Variants in CYP2S1 observed in about 807,000 individuals in gnomAD.
CYP2S1 encodes cytochrome P450 2S1.
A neutral mutation model predicts 43.5 loss-of-function variants in CYP2S1; 32 were observed. That is an observed-to-expected ratio of 0.74 (90% CI 0.56 to 0.99). The LOEUF is 0.99. CYP2S1 is among the 50% of genes least tolerant of loss of function. The pLI is 0.00. For missense variants in CYP2S1, 575 were observed against 673.9 expected (o/e 0.85, Z 1.62); for synonymous variants, 283 against 302.9 (o/e 0.93, Z 0.68).
chr19:41,204,658 C>T (rs1360166237), intron 7 of CYP2S1, among the ~76,000 whole-genome samples: 2 of 139,774 alleles, frequency 1.4e-5, no homozygotes, highest in African/African-American at 2.7e-5. Flanking sequence ...AGTGCACTGG[C>T]GTGATCTCGG....
At chr19:41,195,692 C>G (rs1027737941) in intron 2 of CYP2S1, among the ~76,000 whole-genome samples, 4 of 152,004 alleles carry the variant, frequency 2.6e-5, no homozygotes, top group African/African-American at 9.7e-5. Context: ...GAGGGTGTTC[C>G]AGGCAGAAAG....
chr19:41,202,050 G>C (rs113105608), intron 6 of CYP2S1, among the ~76,000 whole-genome samples: 25 of 152,140 alleles, frequency 1.6e-4, no homozygotes, highest in Admixed American at 1.5e-3. Context: ...GCAGTAGTGC[G>C]ATCTCGGCCC....
Position 41,206,557 on chromosome 19 carries a change from G to A in CYP2S1, c.*69G>A, listed in dbSNP as rs751440912. ...CAGCCTCAACAGTGGGCATGGACAG[G>A]GTTAATGTCTCCAGAGTGTACACTG... On this transcript the variant is annotated 3_prime_UTR_variant, in exon 9 of 9. Transcript: ENST00000310054. 26 of 1,573,962 alleles carry A rather than the reference G, an allele frequency of 1.7e-5. No individual in the cohort carries two copies. Among genetic ancestry groups the A allele is most frequent in the Non-Finnish European group, 2.3e-5 (26 of 1,144,956 alleles).
chr19:41,203,570 T>C lies in CYP2S1; in HGVS notation c.1097T>C (p.Leu366Pro). 2 of 1,569,908 alleles carry C rather than the reference T, an allele frequency of 1.3e-6. No homozygotes were observed. Among genetic ancestry groups the C allele is most frequent in the Middle Eastern group, 1.8e-4 (1 of 5,686 alleles). Residue 366 changes from leucine (L) to proline (P), a missense_variant, in exon 7 of 9, where the codon CTG becomes CCG. By Grantham distance (98) the Leu-to-Pro change is moderately conservative. Transcript: ENST00000310054. ...VLHEAQRLLA[L>P]VPMGIPRTLM... is the part of the protein sequence containing the mutation. ...CATGAGGCGCAGCGGCTGCTGGCGC[T>C]GGTGCCCATGGGAATACCCCGCACC...
At chr19:41,201,178 A>G in intron 5 of CYP2S1, 53 bp from the exon 6 acceptor site, 1 of 1,593,696 alleles carries the variant, frequency 6.3e-7, no homozygotes, top group Non-Finnish European at 8.6e-7. Flanking sequence ...TGTTCTGGAC[A>G]TTTACTTCCC....
At chr19:41,205,662 C>T (rs190503722) in intron 7 of CYP2S1, among the ~76,000 whole-genome samples, 186 of 152,064 alleles carry the variant, frequency 1.2e-3, no homozygotes, top group African/African-American at 4.4e-3. Context: ...GCTGGGACAA[C>T]GGGCTCATAC....
chr19:41,197,799 G>T lies in CYP2S1; in HGVS notation c.364G>T (p.Glu122Ter). Reference sequence around the variant, plus strand: ...CGCAGGGGTTTTCTTCTCCAACGGGGAGCGGTGGAGGCAGCTGAGGAAGTT... The same window carrying T: ...CGCAGGGGTTTTCTTCTCCAACGGGTAGCGGTGGAGGCAGCTGAGGAAGTT... ...DGHGVFFSNG[E>*]RWRQLRKFTM... The change falls in exon 3 of 9, where the codon GAG becomes TAG. Residue 122 changes from glutamate to a stop codon, truncating the protein, a stop_gained. Coordinates refer to ENST00000310054, the MANE Select transcript of CYP2S1 (RefSeq NM_030622.8). LOFTEE classifies it high-confidence loss of function. 6.2e-7 allele frequency: 1 copy of T among 1,614,104 alleles called. No homozygotes were observed.
intron 5 of CYP2S1, among the ~76,000 whole-genome samples, chr19:41,199,759 G>A (rs1273908430): frequency 6.6e-6 from 1 of 151,934 alleles, no homozygotes; most frequent in Non-Finnish European, 1.5e-5. Flanking sequence ...GAGGTCGGGA[G>A]TTCGAGACCA....
At chr19:41,202,046 G>A (rs548503284) in intron 6 of CYP2S1, among the ~76,000 whole-genome samples, 4 of 152,252 alleles carry the variant, frequency 2.6e-5, no homozygotes, top group Admixed American at 2.6e-4. Context: ...GAGTGCAGTA[G>A]TGCGATCTCG....
chr19:41,195,262 A>G lies in CYP2S1; in HGVS notation c.343+553A>G, dbSNP rs553906505. Among the ~76,000 whole-genome samples, 40 of 152,364 alleles carry G rather than the reference A, an allele frequency of 2.6e-4. 1 individual carries two copies. Among genetic ancestry groups the G allele is most frequent in the African/African-American group, 8.9e-4 (37 of 41,594 alleles). On this transcript the variant is annotated intron_variant, in intron 2 of 8. Transcript: ENST00000310054. ...GATCCAGGTAAAGCCCTGAGGGTTC[A>G]GAAAGATGCCGGAGCGCTTTCAAGG...
intron 2 of CYP2S1, among the ~76,000 whole-genome samples, chr19:41,196,586 C>T (rs2122153935): frequency 6.6e-6 from 1 of 152,012 alleles, no homozygotes; most frequent in African/African-American, 2.4e-5. Context: ...AGGCCTGGGG[C>T]TCTGGCCGAG....
chr19:41,206,775 G>A lies in CYP2S1; in HGVS notation c.*287G>A, dbSNP rs775453658. ...TCTGCAATCACAAGCACATAGCCAG[G>A]TAACCCACCAACTCCCCTGGATCTG... On this transcript the variant is annotated 3_prime_UTR_variant, in exon 9 of 9. Transcript: ENST00000310054. 11 of 627,582 alleles carry A rather than the reference G, an allele frequency of 1.8e-5. No homozygotes were observed. The African/African-American group carries it at 1.8e-4, about 10-fold the overall frequency. The allele number at this position is 627,582 out of a possible 1,614,324, so 38.9% of individuals were successfully genotyped here. A position where few individuals can be genotyped will look rare whatever the true frequency, so the allele number is the denominator to read the frequency against.
chr19:41,200,226 A>G (rs569468769), intron 5 of CYP2S1, among the ~76,000 whole-genome samples: 1 of 152,246 alleles, frequency 6.6e-6, no homozygotes, highest in East Asian at 1.9e-4. Flanking sequence ...AACGTTTACC[A>G]TCTTAACCAT....
At chr19:41,201,476 C>G in intron 6 of CYP2S1, 104 bp downstream of exon 6, 1 of 1,467,170 alleles carries the variant, frequency 6.8e-7, no homozygotes, top group Non-Finnish European at 9.1e-7. Context: ...GAGGCTGAGG[C>G]GGGCTGATCA....
intron 2 of CYP2S1, 30 bp from the exon 3 acceptor site, chr19:41,197,749 G>A (rs369092082): frequency 6.2e-7 from 1 of 1,610,912 alleles, no homozygotes; most frequent in Non-Finnish European, 8.5e-7. Context: ...AGAGGGGCCG[G>A]TCCCTTTTTG....
rs1323411946 is a variant in CYP2S1 at position 41,206,309 on chromosome 19, G to C, written c.1336G>C (p.Ala446Pro). ...GKRVCLGEGL[A>P]KAELFLFFTT... ...GCGTGTCTGCCTTGGAGAGGGCCTG[G>C]CAAAAGCGGAGCTCTTCCTCTTCTT... Residue 446 changes from alanine (A) to proline (P), a missense_variant, in exon 9 of 9, where the codon GCA (alanine) becomes CCA (proline). Coordinates refer to ENST00000310054, the MANE Select transcript of CYP2S1 (RefSeq NM_030622.8). 2 of 1,614,026 alleles carry C rather than the reference G, an allele frequency of 1.2e-6. No individual in the cohort carries two copies. Among genetic ancestry groups the C allele is most frequent in the South Asian group, 2.2e-5 (2 of 91,076 alleles).
intron 2 of CYP2S1, among the ~76,000 whole-genome samples, chr19:41,196,703 G>A (rs990062196): frequency 5.9e-5 from 9 of 152,258 alleles, no homozygotes; most frequent in East Asian, 1.9e-4. Context: ...AAGAGACCAC[G>A]ACAGGCTGGC....
Position 41,206,067 on chromosome 19 carries a change from G to T in CYP2S1, c.1274G>T (p.Arg425Met), listed in dbSNP as rs1343044866. ...TTCCTGGATGCAGATGGACGGTTCA[G>T]GAAGCATGAGGCGTTCCTGCCCTTC... Reference protein sequence around the residue: ...DRFLDADGRFRKHEAFLPFSL... With the variant: ...DRFLDADGRFMKHEAFLPFSL... The change falls in exon 8 of 9, where the codon AGG (arginine) becomes ATG (methionine). Residue 425 changes from arginine (R) to methionine (M), a missense_variant. Physicochemically the swap from Arg to Met is moderately conservative, Grantham distance 91 (BLOSUM62 -1). Around this residue, in one of 2 missense-constraint regions of CYP2S1, gnomAD observed 222 missense variants for 306.3 expected, o/e 0.72. Coordinates refer to ENST00000310054, the MANE Select transcript of CYP2S1 (RefSeq NM_030622.8). 1.2e-6 allele frequency: 2 copies of T among 1,614,142 alleles called. No homozygotes were observed. The highest frequency in any genetic ancestry group is 1.7e-6 in the Non-Finnish European group (2 of 1,180,040).
chr19:41,203,568 G>C lies in CYP2S1; in HGVS notation c.1095G>C (p.Ala365=), dbSNP rs773332879. 24 of 1,572,222 alleles carry C rather than the reference G, an allele frequency of 1.5e-5. No individual in the cohort carries two copies. In the East Asian group the frequency reaches 3.1e-4, roughly 20 times the overall value. The change falls in exon 7 of 9, where the codon GCG becomes GCC. Residue 365 remains alanine, a synonymous_variant. Transcript: ENST00000310054. ...TGCATGAGGCGCAGCGGCTGCTGGC[G>C]CTGGTGCCCATGGGAATACCCCGCA... The part of the protein sequence containing the change: ...AVLHEAQRLL[A]LVPMGIPRTL...
Sources: allele counts gnomAD v4.1 joint callset (sites outside exome capture counted in the v4.1 genomes callset), GRCh38; gene constraint gnomAD v4.1.1; regional missense constraint gnomAD v4.1.1; transcripts MANE v1.5; gene names NCBI Gene and HGNC (gene_info 2026-07-23, HGNC 2026-07-21).